Variants in ASIC2 observed in about 807,000 individuals in gnomAD.
ASIC2 encodes the protein acid-sensing ion channel 2.
Under a neutral mutation model 57.3 loss-of-function variants are expected in ASIC2, and 25 were observed. The ratio of observed to expected loss-of-function variants is 0.44; its 90% CI spans 0.32 to 0.61. The LOEUF is 0.61. Among genes scored for constraint, ASIC2 ranks in the 20% least tolerant of loss-of-function variants. ASIC2 has a pLI of 0.06. For synonymous variants in ASIC2, 319 were observed against 307.5 expected, an observed-to-expected ratio of 1.04 and a Z score of -0.39; for missense variants, 641 against 738.1, an observed-to-expected ratio of 0.87 and a Z score of 1.52.
intron 1 of ASIC2, among the ~76,000 whole-genome samples, chr17:33,934,866 C>T (rs1916025105): frequency 6.6e-6 from 1 of 152,212 alleles, no homozygotes. Flanking sequence ...CTTTCCAGCT[C>T]CTATCAATTC....
intron 1 of ASIC2, among the ~76,000 whole-genome samples, chr17:33,621,939 T>C (rs1413104512): frequency 6.6e-6 from 1 of 152,066 alleles, no homozygotes; most frequent in Non-Finnish European, 1.5e-5. Context: ...TTATTGTGAC[T>C]AGTAAATGAG....
chr17:33,556,885 T>G (rs1281387746), intron 1 of ASIC2, among the ~76,000 whole-genome samples: 4 of 152,356 alleles, frequency 2.6e-5, no homozygotes, highest in Non-Finnish European at 5.9e-5. Flanking sequence ...TAGCAAATTC[T>G]GCTAGCAGTA....
At chr17:33,498,770 T>C (rs1380858857) in intron 1 of ASIC2, among the ~76,000 whole-genome samples, 1 of 152,128 alleles carries the variant, frequency 6.6e-6, no homozygotes, top group Non-Finnish European at 1.5e-5. Flanking sequence ...TTCCCAATGT[T>C]GTGGAAGCAA....
intron 1 of ASIC2, among the ~76,000 whole-genome samples, chr17:33,485,690 G>C (rs1233054749): frequency 1.3e-5 from 2 of 152,098 alleles, no homozygotes; most frequent in Admixed American, 1.3e-4. Context: ...CTCTCAGAGG[G>C]CCTCATCATT....
At chr17:33,721,071 C>T (rs1597849292) in intron 1 of ASIC2, among the ~76,000 whole-genome samples, 1 of 152,304 alleles carries the variant, frequency 6.6e-6, no homozygotes, top group East Asian at 1.9e-4. Flanking sequence ...TATTCCTCTA[C>T]TCCTTAGAAC....
chr17:33,906,969 G>T (rs1004496196), intron 1 of ASIC2, among the ~76,000 whole-genome samples: 1 of 152,138 alleles, frequency 6.6e-6, no homozygotes, highest in Non-Finnish European at 1.5e-5. Context: ...CTTGGGCAGG[G>T]TCTCCTTTCA....
chr17:33,371,966 G>C (rs1279646379), intron 1 of ASIC2, among the ~76,000 whole-genome samples: 1 of 152,138 alleles, frequency 6.6e-6, no homozygotes, highest in Non-Finnish European at 1.5e-5. Flanking sequence ...GTCATCCCAG[G>C]TGGAGGTGAG....
chr17:33,889,692 T>G (rs1038534261), intron 1 of ASIC2, among the ~76,000 whole-genome samples: 1 of 152,158 alleles, frequency 6.6e-6, no homozygotes, highest in Non-Finnish European at 1.5e-5. Context: ...TTCGTTAGCG[T>G]CCATTGTTAG....
At chr17:33,039,026 GAGA>G (rs2091920503) in intron 3 of ASIC2, among the ~76,000 whole-genome samples, 1 of 152,352 alleles carries the variant, frequency 6.6e-6, no homozygotes, top group East Asian at 1.9e-4. Flanking sequence ...AGTGGATGCT[GAGA>G]AGATGATGAA....
chr17:33,742,219 G>A (rs941452821), intron 1 of ASIC2, among the ~76,000 whole-genome samples: 1 of 152,204 alleles, frequency 6.6e-6, no homozygotes, highest in South Asian at 2.1e-4. Flanking sequence ...TGCTGCCCAC[G>A]CCCCATTTGT....
At chr17:33,785,871 A>G (rs9903823) in intron 1 of ASIC2, among the ~76,000 whole-genome samples, 6,503 of 152,260 alleles carry the variant, frequency 0.043, 324 homozygotes, top group African/African-American at 0.13. Flanking sequence ...TTTTGCTACT[A>G]AAGCAAGTGC....
intron 1 of ASIC2, among the ~76,000 whole-genome samples, chr17:33,211,989 A>G (rs1229038947): frequency 6.6e-6 from 1 of 152,026 alleles, no homozygotes; most frequent in Non-Finnish European, 1.5e-5. Flanking sequence ...CTTCCATTTT[A>G]CAGAAGAGGA....
intron 1 of ASIC2, among the ~76,000 whole-genome samples, chr17:33,837,130 C>T (rs1913297804): frequency 6.6e-6 from 1 of 152,078 alleles, no homozygotes; most frequent in African/African-American, 2.4e-5. Context: ...CTGAACTCTT[C>T]CCTGGTGTGA....
intron 2 of ASIC2, among the ~76,000 whole-genome samples, chr17:33,091,313 T>C (rs1352374486): frequency 6.6e-6 from 1 of 151,790 alleles, no homozygotes; most frequent in Non-Finnish European, 1.5e-5. Flanking sequence ...CAGACTCAGA[T>C]GGGGAAGAAG....
chr17:33,196,104 G>T (rs1241091302), intron 1 of ASIC2, among the ~76,000 whole-genome samples: 3 of 152,202 alleles, frequency 2.0e-5, no homozygotes, highest in Non-Finnish European at 2.9e-5. Flanking sequence ...CTGGCACAGA[G>T]TGAGCCCTCA....
intron 1 of ASIC2, among the ~76,000 whole-genome samples, chr17:33,280,720 G>C (rs142560592): frequency 1.3e-5 from 2 of 152,166 alleles, no homozygotes; most frequent in Non-Finnish European, 2.9e-5. Context: ...ATCAACATGC[G>C]TCTCACTCCA....
intron 1 of ASIC2, among the ~76,000 whole-genome samples, chr17:33,147,357 AAAAGAG>A (rs1490028723): frequency 6.6e-6 from 1 of 152,242 alleles, no homozygotes; most frequent in Non-Finnish European, 1.5e-5. Flanking sequence ...CAATGTCCAA[AAAAGAG>A]AAACAATTTT....
chr17:34,011,628 G>A (rs57682513), intron 1 of ASIC2, among the ~76,000 whole-genome samples: 4,323 of 152,052 alleles, frequency 0.028, 88 homozygotes, highest in South Asian at 0.11. Flanking sequence ...CATGGCCTCC[G>A]CCTCCACTCC....
At chr17:33,492,246 T>A (rs1913785381) in intron 1 of ASIC2, among the ~76,000 whole-genome samples, 1 of 152,258 alleles carries the variant, frequency 6.6e-6, no homozygotes, top group Non-Finnish European at 1.5e-5. Flanking sequence ...GGGCTATTAC[T>A]GTTCCCATTT....
Sources: allele counts gnomAD v4.1 joint callset (sites outside exome capture counted in the v4.1 genomes callset), GRCh38; gene constraint gnomAD v4.1.1; transcripts MANE v1.5; gene names NCBI Gene and HGNC (gene_info 2026-07-23, HGNC 2026-07-21).